GRIK2: variants seen among roughly 807,000 people sequenced by gnomAD.
GRIK2 encodes the protein glutamate ionotropic receptor kainate type subunit 2.
A neutral mutation model predicts 100.3 loss-of-function variants in GRIK2; 32 were observed. The observed-to-expected ratio is 0.32, with a 90% CI of 0.24 to 0.43. The LOEUF is 0.43. GRIK2 is among the 20% of genes least tolerant of loss of function. The pLI is 1.00. For synonymous variants in GRIK2, 417 were observed against 389.4 expected (o/e 1.07, Z -0.83); for missense variants, 843 against 1,114.9 (o/e 0.76, Z 3.47).
At chr6:101,482,408 G>A (rs1004516191) in intron 2 of GRIK2, among the ~76,000 whole-genome samples, 13 of 152,090 alleles carry the variant, frequency 8.5e-5, no homozygotes, top group Non-Finnish European at 2.9e-5. Flanking sequence ...GCAAAAGATG[G>A]GGATCCACAC....
At chr6:101,626,143 C>A (rs1040670217) in intron 3 of GRIK2, among the ~76,000 whole-genome samples, 7 of 152,118 alleles carry the variant, frequency 4.6e-5, no homozygotes, top group Admixed American at 4.6e-4. Flanking sequence ...CCTCCCCTGA[C>A]ATTATTTATA....
At chr6:101,988,272 G>T (rs970142844) in intron 14 of GRIK2, among the ~76,000 whole-genome samples, 1 of 151,754 alleles carries the variant, frequency 6.6e-6, no homozygotes, top group Non-Finnish European at 1.5e-5. Context: ...ACACCATTAT[G>T]ATTTTGGGGG....
chr6:101,402,213 C>T (rs1205737285), intron 2 of GRIK2, among the ~76,000 whole-genome samples: 1 of 152,166 alleles, frequency 6.6e-6, no homozygotes, highest in Non-Finnish European at 1.5e-5. Flanking sequence ...TTCCCTCTCC[C>T]TCTCTGTATG....
chr6:101,759,922 C>T (rs1346651292), intron 7 of GRIK2, among the ~76,000 whole-genome samples: 3 of 129,590 alleles, frequency 2.3e-5, no homozygotes, highest in Admixed American at 1.5e-4. Flanking sequence ...TCGCCCAGGC[C>T]GGACTGCGGA....
At chr6:101,607,379 A>G (rs1296132759) in intron 2 of GRIK2, among the ~76,000 whole-genome samples, 3 of 152,018 alleles carry the variant, frequency 2.0e-5, no homozygotes, top group Admixed American at 1.3e-4. Flanking sequence ...CATCTGTTAT[A>G]ATAACTGAAA....
chr6:101,961,145 C>A (rs1792271729), intron 14 of GRIK2, among the ~76,000 whole-genome samples: 1 of 152,186 alleles, frequency 6.6e-6, no homozygotes, highest in African/African-American at 2.4e-5. Context: ...TCTTCCAGGG[C>A]TCAGGACTTT....
At chr6:101,800,559 A>G (rs1215022706) in intron 8 of GRIK2, among the ~76,000 whole-genome samples, 1 of 152,120 alleles carries the variant, frequency 6.6e-6, no homozygotes, top group Non-Finnish European at 1.5e-5. Flanking sequence ...ATGGCTTAAA[A>G]TAAATCATCA....
chr6:101,961,766 G>A lies in GRIK2; in HGVS notation c.2085+33134G>A, dbSNP rs542701869. Among the ~76,000 whole-genome samples, 5 of 152,110 alleles carry A rather than the reference G, an allele frequency of 3.3e-5. No homozygotes were observed. In the East Asian group the frequency reaches 7.8e-4, roughly 24 times the overall value. ...AGCTCACCCTGAACGTTAGAATTCCGGGAATCCCACAGCTCCCCTTTATCC... is the reference window on the plus strand; with the variant it reads ...AGCTCACCCTGAACGTTAGAATTCCAGGAATCCCACAGCTCCCCTTTATCC... On this transcript the variant is annotated intron_variant, in intron 14 of 16. Transcript: ENST00000369134.
intron 7 of GRIK2, among the ~76,000 whole-genome samples, chr6:101,776,371 C>T (rs985090398): frequency 2.6e-5 from 4 of 152,030 alleles, no homozygotes; most frequent in African/African-American, 9.7e-5. Flanking sequence ...TGGAGAGAGA[C>T]AGACATATGT....
chr6:101,511,738 A>C (rs1582614287), intron 2 of GRIK2, among the ~76,000 whole-genome samples: 1 of 151,874 alleles, frequency 6.6e-6, no homozygotes. Context: ...TAGTTATATG[A>C]TAAAACAACA....
At chr6:101,498,719 G>GT (rs1363722810) in intron 2 of GRIK2, among the ~76,000 whole-genome samples, 2 of 151,754 alleles carry the variant, frequency 1.3e-5, no homozygotes, top group Non-Finnish European at 2.9e-5. Flanking sequence ...GGGGTTGTTT[G>GT]TTTTTTTCTT....
At chr6:101,723,684 TAGTA>T (rs1343564462) in intron 7 of GRIK2, among the ~76,000 whole-genome samples, 1 of 151,932 alleles carries the variant, frequency 6.6e-6, no homozygotes, top group African/African-American at 2.4e-5. Flanking sequence ...AATGAATAAA[TAGTA>T]AGTGAAGTCT....
chr6:102,007,857 T>A (rs951565456), intron 14 of GRIK2, among the ~76,000 whole-genome samples: 5 of 152,050 alleles, frequency 3.3e-5, no homozygotes, highest in South Asian at 2.1e-4. Flanking sequence ...CTTAGGGGAA[T>A]ACCTCTATCC....
At chr6:101,799,569 C>G in intron 7 of GRIK2, 79 bp from the exon 8 acceptor site, 1 of 1,111,024 alleles carries the variant, frequency 9.0e-7, no homozygotes, top group Non-Finnish European at 1.4e-6. Context: ...TACCTCTTCC[C>G]TCTTCCTCCT....
intron 12 of GRIK2, among the ~76,000 whole-genome samples, chr6:101,911,668 T>C (rs1209888626): frequency 6.6e-5 from 10 of 151,502 alleles, no homozygotes; most frequent in Non-Finnish European, 3.0e-5. Flanking sequence ...TTAATACTAT[T>C]CAAATAATGG....
At position 101,839,441 on chromosome 6, in the gene GRIK2, A is replaced by T. The variant is rs1374693890; in HGVS notation, c.1318-19846A>T. Among the ~76,000 whole-genome samples, 3 of 152,202 alleles carry T rather than the reference A, an allele frequency of 2.0e-5. No individual in the cohort carries two copies. In the East Asian group the frequency reaches 5.8e-4, roughly 29 times the overall value. ...TGATGTAGCACAGAAAATGTAAGGG[A>T]CTGGTGATGGATGAGTGTGAACAGA... On this transcript the variant is annotated intron_variant, in intron 10 of 16. Transcript: ENST00000369134.
intron 12 of GRIK2, among the ~76,000 whole-genome samples, chr6:101,906,381 T>TGTGTGTGTGTGTGTGTGA (rs1321837645): frequency 1.1e-4 from 17 of 151,594 alleles, no homozygotes; most frequent in Non-Finnish European, 1.2e-4. Flanking sequence ...TGTGTGTGTG[T>TGTGTGTGTGTGTGTGTGA]GTGTTTGTGT....
At chr6:101,515,772 T>C (rs1357499346) in intron 2 of GRIK2, among the ~76,000 whole-genome samples, 1 of 152,198 alleles carries the variant, frequency 6.6e-6, no homozygotes, top group Non-Finnish European at 1.5e-5. Flanking sequence ...TGTTTGTTTT[T>C]ATCTTACCGA....
intron 4 of GRIK2, among the ~76,000 whole-genome samples, chr6:101,634,007 T>A (rs1780891710): frequency 6.6e-6 from 1 of 152,150 alleles, no homozygotes; most frequent in Non-Finnish European, 1.5e-5. Flanking sequence ...TTGGCTCTTT[T>A]TAAAAATCAT....
Sources: allele counts gnomAD v4.1 joint callset (sites outside exome capture counted in the v4.1 genomes callset), GRCh38; gene constraint gnomAD v4.1.1; transcripts MANE v1.5; gene names NCBI Gene and HGNC (gene_info 2026-07-23, HGNC 2026-07-21).